Variants in NPAS3 observed in about 807,000 individuals in gnomAD.
NPAS3 encodes the protein neuronal PAS domain-containing protein 3.
Under a neutral mutation model 73.1 loss-of-function variants are expected in NPAS3, and 14 were observed. That is an observed-to-expected ratio of 0.19 (90% confidence interval 0.13 to 0.30). NPAS3 has a LOEUF of 0.30. NPAS3 is among the 10% of genes least tolerant of loss of function. NPAS3 has a pLI of 1.00. For synonymous variants in NPAS3, 620 were observed against 541.5 expected, an observed-to-expected ratio of 1.14 and a Z score of -2.01; for missense variants, 1,096 against 1,250.0, an observed-to-expected ratio of 0.88 and a Z score of 1.86.
At chr14:33,221,263 G>A (rs1009140521) in intron 3 of NPAS3, among the ~76,000 whole-genome samples, 3 of 152,130 alleles carry the variant, frequency 2.0e-5, no homozygotes, top group African/African-American at 4.8e-5. Flanking sequence ...TGTCATTTCT[G>A]TTCAGTCGTT....
intron 7 of NPAS3, among the ~76,000 whole-genome samples, chr14:33,751,646 C>G (rs1333173601): frequency 1.3e-5 from 2 of 152,146 alleles, no homozygotes; most frequent in African/African-American, 4.8e-5. Context: ...CCACAGTTTC[C>G]CTTGAATATA....
intron 2 of NPAS3, among the ~76,000 whole-genome samples, chr14:33,086,970 A>C (rs572240013): frequency 6.6e-6 from 1 of 152,122 alleles, no homozygotes; most frequent in East Asian, 1.9e-4. Flanking sequence ...AGTCAGACTG[A>C]AGTTAGATCT....
At chr14:33,396,157 A>G (rs1439294942) in intron 4 of NPAS3, among the ~76,000 whole-genome samples, 12 of 152,158 alleles carry the variant, frequency 7.9e-5, no homozygotes, top group Admixed American at 7.9e-4. Context: ...GATAACTTTT[A>G]ACCCAGATTA....
chr14:33,242,956 T>C (rs554433637), intron 3 of NPAS3, among the ~76,000 whole-genome samples: 1 of 152,278 alleles, frequency 6.6e-6, no homozygotes, highest in African/African-American at 2.4e-5. Flanking sequence ...CTACAGTCTA[T>C]ATTTGAAGGC....
chr14:33,384,506 G>A (rs1476952463), intron 4 of NPAS3, among the ~76,000 whole-genome samples: 1 of 151,936 alleles, frequency 6.6e-6, no homozygotes, highest in Non-Finnish European at 1.5e-5. Flanking sequence ...GAGGTGGGTG[G>A]ATCACCTGAA....
intron 1 of NPAS3, among the ~76,000 whole-genome samples, chr14:32,961,924 A>G (rs2036938065): frequency 6.6e-6 from 1 of 152,216 alleles, no homozygotes; most frequent in African/African-American, 2.4e-5. Context: ...GAATATTGAT[A>G]TTCTGTTGCC....
chr14:33,443,030 A>G (rs1389029563), intron 4 of NPAS3, among the ~76,000 whole-genome samples: 1 of 152,214 alleles, frequency 6.6e-6, no homozygotes. Flanking sequence ...TAAAATGTGG[A>G]ATGATTCAGG....
chr14:33,182,622 G>A (rs1453227859), intron 2 of NPAS3, among the ~76,000 whole-genome samples: 1 of 152,090 alleles, frequency 6.6e-6, no homozygotes, highest in African/African-American at 2.4e-5. Context: ...TGTCAAGGGT[G>A]TGATTATTGT....
At chr14:33,629,075 A>T (rs1251193630) in intron 5 of NPAS3, among the ~76,000 whole-genome samples, 1 of 151,996 alleles carries the variant, frequency 6.6e-6, no homozygotes, top group African/African-American at 2.4e-5. Flanking sequence ...ACTAAAAAAA[A>T]TACCAAAAAA....
intron 2 of NPAS3, among the ~76,000 whole-genome samples, chr14:33,144,753 T>C (rs2044177176): frequency 6.6e-6 from 1 of 152,164 alleles, no homozygotes; most frequent in South Asian, 2.1e-4. Flanking sequence ...TAAAAATTCA[T>C]TTTTTAATTT....
At chr14:33,655,229 G>A (rs949651195) in intron 5 of NPAS3, among the ~76,000 whole-genome samples, 2 of 151,934 alleles carry the variant, frequency 1.3e-5, no homozygotes, top group Non-Finnish European at 2.9e-5. Context: ...ATAGCCCTCA[G>A]GCATGTGTCT....
At chr14:33,321,418 G>C (rs906284382) in intron 3 of NPAS3, among the ~76,000 whole-genome samples, 1 of 151,932 alleles carries the variant, frequency 6.6e-6, no homozygotes, top group Non-Finnish European at 1.5e-5. Context: ...CCTGGGTAAG[G>C]CATATCTCTA....
intron 5 of NPAS3, among the ~76,000 whole-genome samples, chr14:33,575,146 C>A (rs2056383343): frequency 6.6e-6 from 1 of 152,172 alleles, no homozygotes; most frequent in South Asian, 2.1e-4. Flanking sequence ...GTAATGGATT[C>A]CATTGTAGAC....
At chr14:33,493,378 G>A (rs949693521) in intron 4 of NPAS3, among the ~76,000 whole-genome samples, 3 of 147,788 alleles carry the variant, frequency 2.0e-5, no homozygotes, top group South Asian at 2.1e-4. Context: ...GGAAGAAATT[G>A]TCTTGTCTCT....
intron 4 of NPAS3, among the ~76,000 whole-genome samples, chr14:33,398,580 A>C (rs1186360169): frequency 6.6e-6 from 1 of 152,096 alleles, no homozygotes; most frequent in East Asian, 1.9e-4. Flanking sequence ...TTATTTTGCC[A>C]ATCTACTTCT....
chr14:33,063,936 T>C (rs1337632033), intron 2 of NPAS3, among the ~76,000 whole-genome samples: 1 of 152,192 alleles, frequency 6.6e-6, no homozygotes, highest in African/African-American at 2.4e-5. Flanking sequence ...AGAAAAGTCA[T>C]AATGACTATG....
chr14:33,368,006 C>T (rs1377865518), intron 4 of NPAS3, among the ~76,000 whole-genome samples: 2 of 152,024 alleles, frequency 1.3e-5, no homozygotes, highest in African/African-American at 4.8e-5. Flanking sequence ...GGTCCTGCTC[C>T]CAGGATAAAT....
chr14:33,560,348 C>G (rs2055581230), intron 5 of NPAS3, 138 bp downstream of exon 5: 1 of 500,010 alleles, frequency 2.0e-6, no homozygotes, highest in Non-Finnish European at 3.7e-6. Context: ...ACTGTTCTCT[C>G]AAAGTCAGTG....
At chr14:32,979,500 G>GT (rs2139386263) in intron 1 of NPAS3, among the ~76,000 whole-genome samples, 1 of 152,252 alleles carries the variant, frequency 6.6e-6, no homozygotes, top group East Asian at 1.9e-4. Context: ...AGGTATCAGT[G>GT]TAAGGTCACA....
Sources: gnomAD v4.1 joint callset for allele counts (sites outside exome capture counted in the v4.1 genomes callset) on GRCh38, gnomAD v4.1.1 for gene constraint, MANE v1.5 for transcripts, NCBI Gene and HGNC (gene_info 2026-07-23, HGNC 2026-07-21) for gene names.